The following ABL1 variants were observed in gnomAD, a reference collection of about 807,000 sequenced individuals.
ABL1 encodes tyrosine-protein kinase ABL1.
In ABL1, 11 loss-of-function variants were observed where a neutral mutation model predicts 94.7. That is an observed-to-expected ratio of 0.12 (90% CI 0.07 to 0.19). ABL1 has a LOEUF of 0.19. Ranked by LOEUF, ABL1 falls within the 10% of genes least tolerant of loss-of-function variation. The probability of loss-of-function intolerance (pLI) is 1.00; values close to 1 mark genes in which losing one functional copy is unlikely to be tolerated. For synonymous variants in ABL1, 656 were observed against 622.4 expected (o/e 1.05, Z -0.80); for missense variants, 1,082 against 1,489.4 (o/e 0.73, Z 4.50).
chr9:130,853,496 C>T (rs1830919558), intron 1 of ABL1, among the ~76,000 whole-genome samples: 1 of 151,808 alleles, frequency 6.6e-6, no homozygotes, highest in Admixed American at 6.6e-5. Context: ...CTCACTGAGA[C>T]CTCCACCTCC....
chr9:130,746,342 G>A (rs1424381558), intron 1 of ABL1, among the ~76,000 whole-genome samples: 2 of 151,182 alleles, frequency 1.3e-5, no homozygotes, highest in Non-Finnish European at 2.9e-5. Flanking sequence ...TCAATGTATG[G>A]TTTTATGAAT....
chr9:130,726,906 C>T (rs188288047), intron 1 of ABL1, among the ~76,000 whole-genome samples: 3 of 152,326 alleles, frequency 2.0e-5, no homozygotes, highest in Admixed American at 2.0e-4. Flanking sequence ...AGCTCTATCA[C>T]ATAAGTTCAT....
Position 130,819,532 on chromosome 9 carries a change from C to CTT in ABL1, c.137-34510_137-34509dup, listed in dbSNP as rs34341889. ...GAGACCAGGAAGTGAAGAAAAATAC[C>CTT]TTTTTTTTTTTTTTTTTTTTTTTGG... On this transcript the variant is annotated intron_variant, in intron 1 of 10. Coordinates refer to the ABL1 transcript ENST00000372348. 4.2e-3 allele frequency among the ~76,000 whole-genome samples: 406 copies of CTT among 96,228 alleles called. 3 individuals are homozygous for CTT. The highest frequency in any genetic ancestry group is 6.2e-3 in the Non-Finnish European group (323 of 51,686). The allele number at this position is 96,228 out of a possible 152,430, so 63.1% of individuals were successfully genotyped here. A position where few individuals can be genotyped will look rare whatever the true frequency, so the allele number is the denominator to read the frequency against.
chr9:130,714,493 C>T (rs375785012), intron 1 of ABL1: 5 of 1,613,974 alleles, frequency 3.1e-6, no homozygotes, highest in Non-Finnish European at 4.2e-6. Context: ...TGGTTTTCCT[C>T]ATGCATTCAT....
chr9:130,766,718 T>C (rs1189688850), intron 1 of ABL1, among the ~76,000 whole-genome samples: 1 of 152,114 alleles, frequency 6.6e-6, no homozygotes, highest in Admixed American at 6.5e-5. Flanking sequence ...GTGCCTAGAA[T>C]AAACCTCACA....
intron 1 of ABL1, among the ~76,000 whole-genome samples, chr9:130,719,936 G>T (rs1181237103): frequency 6.6e-6 from 1 of 152,212 alleles, no homozygotes; most frequent in African/African-American, 2.4e-5. Context: ...CAAGGGAAAA[G>T]AGGAAACCAT....
At chr9:130,819,532 C>CTTTT (rs34341889) in intron 1 of ABL1, among the ~76,000 whole-genome samples, 9 of 96,282 alleles carry the variant, frequency 9.3e-5, no homozygotes, top group African/African-American at 1.4e-4. Context: ...AGAAAAATAC[C>CTTTT]TTTTTTTTTT....
intron 1 of ABL1, among the ~76,000 whole-genome samples, chr9:130,816,198 C>T (rs1006630534): frequency 1.3e-5 from 2 of 152,102 alleles, no homozygotes; most frequent in Non-Finnish European, 2.9e-5. Context: ...CAGTCATCCT[C>T]CCTGCCCAGG....
rs1174950167 is a variant in ABL1, at chr9:130,835,641, CTTTT to C, written c.79+121_79+124del. On this transcript the variant is annotated intron_variant, in intron 1 of 10. Coordinates refer to ENST00000318560, the MANE Select transcript of ABL1 (RefSeq NM_005157.6). This position sits in a 1 kb window ranked among gnomAD's most constrained non-coding sequence, Gnocchi z 4.6. The stretch of plus-strand genomic sequence containing the variant: ...CGCCTGCGCCCTCCCCGGGTCTTGT[CTTTT>C]TTTTCTTTCTTCCCTCTTCTCTTCT... The C allele has an allele frequency of 2.9e-6, 2 of 686,532 alleles. No homozygotes were observed. Among genetic ancestry groups the C allele is most frequent in the African/African-American group, 2.0e-5 (1 of 50,012 alleles). 42.5% of individuals were successfully genotyped at this position (686,532 alleles called of 1,614,324 possible). A position where few individuals can be genotyped will look rare whatever the true frequency, so the allele number is the denominator to read the frequency against.
At chr9:130,752,958 C>CA (rs752754691) in intron 1 of ABL1, among the ~76,000 whole-genome samples, 1,301 of 82,424 alleles carry the variant, frequency 0.016, 17 homozygotes, top group African/African-American at 0.041. Context: ...GACTTCGTCT[C>CA]AAAAAAAAAA....
Position 130,872,813 on chromosome 9 carries a change from G to C in ABL1, c.908-47G>C, listed in dbSNP as rs370126985. The C allele has an allele frequency of 7.6e-6, 12 of 1,570,868 alleles. No homozygotes were observed. Among genetic ancestry groups the C allele is most frequent in the Non-Finnish European group, 9.5e-6 (11 of 1,152,714 alleles). Reference sequence around the variant, plus strand: ...TTTTCTTTAGACAGTTGTTTGTTCAGTTGGGAGCGGAGCCACGTGTTGAAG... The same window carrying C: ...TTTTCTTTAGACAGTTGTTTGTTCACTTGGGAGCGGAGCCACGTGTTGAAG... On this transcript the variant is annotated intron_variant, in intron 5 of 10. Coordinates refer to ENST00000318560, the MANE Select transcript of ABL1 (RefSeq NM_005157.6). This position sits in a 1 kb window ranked among gnomAD's most constrained non-coding sequence, Gnocchi z 5.0.
intron 1 of ABL1, among the ~76,000 whole-genome samples, chr9:130,796,814 G>A (rs1829979878): frequency 6.6e-6 from 1 of 151,152 alleles, no homozygotes; most frequent in Non-Finnish European, 1.5e-5. Context: ...CAGCTACTCA[G>A]GAGGCTGCGG....
At chr9:130,838,844 G>A (rs139392886) in intron 1 of ABL1, among the ~76,000 whole-genome samples, 1 of 152,294 alleles carries the variant, frequency 6.6e-6, no homozygotes, top group African/African-American at 2.4e-5. Context: ...GTATGTGACA[G>A]TTGTGTACTG....
chr9:130,869,836 C>G (rs1234859981), intron 4 of ABL1, among the ~76,000 whole-genome samples: 1 of 152,076 alleles, frequency 6.6e-6, no homozygotes, highest in Non-Finnish European at 1.5e-5. Context: ...TTTTGGTTTT[C>G]TATTTTGAGA....
chr9:130,829,242 C>G (rs1331937818), intron 1 of ABL1, among the ~76,000 whole-genome samples: 1 of 152,110 alleles, frequency 6.6e-6, no homozygotes, highest in African/African-American at 2.4e-5. Flanking sequence ...TGATGAATTC[C>G]AGCAAAATGA....
At chr9:130,837,232 A>G (rs1485669004) in intron 1 of ABL1, among the ~76,000 whole-genome samples, 1 of 152,210 alleles carries the variant, frequency 6.6e-6, no homozygotes, top group African/African-American at 2.4e-5. Flanking sequence ...ATCATCTTCA[A>G]TTAATACATC....
intron 1 of ABL1, among the ~76,000 whole-genome samples, chr9:130,825,648 A>G (rs940607247): frequency 6.6e-6 from 1 of 152,244 alleles, no homozygotes; most frequent in Non-Finnish European, 1.5e-5. Flanking sequence ...TTAATCTTCA[A>G]TATTCAGATT....
chr9:130,759,306 G>A (rs758379210), intron 1 of ABL1, among the ~76,000 whole-genome samples: 21 of 152,078 alleles, frequency 1.4e-4, no homozygotes, highest in Non-Finnish European at 2.2e-4. Flanking sequence ...TCTGATGGCC[G>A]GTCATTGCAC....
chr9:130,871,543 G>C (rs562248205), intron 4 of ABL1, among the ~76,000 whole-genome samples: 6 of 152,372 alleles, frequency 3.9e-5, no homozygotes, highest in Admixed American at 2.6e-4. Flanking sequence ...TGACCTGACA[G>C]ACAGTGATGA....
Sources: allele counts gnomAD v4.1 joint callset (sites outside exome capture counted in the v4.1 genomes callset), GRCh38; gene constraint gnomAD v4.1.1; non-coding constraint Gnocchi (gnomAD v3.1); transcripts MANE v1.5; gene names NCBI Gene and HGNC (gene_info 2026-07-23, HGNC 2026-07-21).